The following ANKRD42 variants were observed in gnomAD, a reference collection of about 807,000 sequenced individuals.
The protein encoded by ANKRD42 is ankyrin repeat domain-containing protein 42.
In ANKRD42, 43 loss-of-function variants were observed where a neutral mutation model predicts 51.5. The ratio of observed to expected loss-of-function variants is 0.83; its 90% CI spans 0.65 to 1.08. The LOEUF is 1.08. Ranked by LOEUF, ANKRD42 falls within the 50% of genes least tolerant of loss-of-function variation. ANKRD42 has a pLI of 0.00. For synonymous variants in ANKRD42, 203 were observed against 213.0 expected, an observed-to-expected ratio of 0.95 and a Z score of 0.41; for missense variants, 608 against 629.3, an observed-to-expected ratio of 0.97 and a Z score of 0.36.
intron 5 of ANKRD42, among the ~76,000 whole-genome samples, chr11:83,223,207 G>A (rs190570744): frequency 9.5e-4 from 145 of 152,256 alleles, no homozygotes; most frequent in African/African-American, 3.1e-3. Context: ...CCAAGATTGC[G>A]CCACTGCACT....
chr11:83,226,517 A>G (rs899818435), intron 6 of ANKRD42, among the ~76,000 whole-genome samples: 5 of 152,350 alleles, frequency 3.3e-5, no homozygotes, highest in African/African-American at 1.2e-4. Context: ...TAGAATAGCC[A>G]AAGAATATTT....
downstream of ANKRD42, among the ~76,000 whole-genome samples, chr11:83,256,680 C>A (rs750050250): frequency 1.1e-4 from 16 of 152,200 alleles, no homozygotes; most frequent in Non-Finnish European, 2.2e-4. Flanking sequence ...CAGCAGCCAT[C>A]TCACCATTCC....
intron 1 of ANKRD42, among the ~76,000 whole-genome samples, chr11:83,197,913 A>G (rs1016281017): frequency 6.6e-6 from 1 of 152,200 alleles, no homozygotes; most frequent in Non-Finnish European, 1.5e-5. Flanking sequence ...GTTATGGAGA[A>G]CAACACATGG....
At chr11:83,242,566 A>ATTTTTTTTTTTTTTTTTTTTTTTT (rs1565196033) in intron 9 of ANKRD42, among the ~76,000 whole-genome samples, 1 of 64,890 alleles carries the variant, frequency 1.5e-5, no homozygotes, top group African/African-American at 7.9e-5. Flanking sequence ...ATGGTAGTTA[A>ATTTTTTTTTTTTTTTTTTTTTTTT]GTTTTTTTTT....
At chr11:83,242,134 G>A (rs1484592244) in intron 9 of ANKRD42, among the ~76,000 whole-genome samples, 1 of 152,000 alleles carries the variant, frequency 6.6e-6, no homozygotes, top group Non-Finnish European at 1.5e-5. Flanking sequence ...TTTAAGAAGA[G>A]CTTACATTAA....
At chr11:83,234,722 A>T (rs138879496) in intron 7 of ANKRD42, among the ~76,000 whole-genome samples, 2,280 of 152,294 alleles carry the variant, frequency 0.015, 24 homozygotes, top group Non-Finnish European at 0.022. Context: ...AAAGATCAAT[A>T]TGTTGCCATT....
chr11:83,212,586 A>G (rs1437952514), intron 5 of ANKRD42: 3 of 1,287,784 alleles, frequency 2.3e-6, no homozygotes, highest in Non-Finnish European at 3.3e-6. Flanking sequence ...ACCTTAAAGA[A>G]ACAAACACAC....
rs1401510201 is a variant in ANKRD42 at position 83,198,524 on chromosome 11, G to A, written c.104G>A (p.Arg35Gln). The change falls in exon 2 of 11, where the codon CGA becomes CAA. Residue 35 changes from arginine to glutamine, a missense_variant. By Grantham distance (43) the Arg-to-Gln change is conservative. Coordinates refer to ENST00000533342, the MANE Select transcript of ANKRD42 (RefSeq NM_001300975.2). Reference sequence around the variant, plus strand: ...TTTGGCAGCATACATGATGCAGTACGAGCTGGAGATGTAAAGCAGCTTTCA... The same window carrying A: ...TTTGGCAGCATACATGATGCAGTACAAGCTGGAGATGTAAAGCAGCTTTCA... ...VHFGSIHDAV[R>Q]AGDVKQLSEI... 2.5e-6 allele frequency: 4 copies of A among 1,613,824 alleles called. No individual in the cohort carries two copies. The highest frequency in any genetic ancestry group is 1.7e-5 in the Admixed American group (1 of 60,004).
At chr11:83,206,200 C>T in intron 3 of ANKRD42, 35 bp downstream of exon 3, 2 of 1,484,150 alleles carry the variant, frequency 1.3e-6, no homozygotes, top group Non-Finnish European at 9.4e-7. Flanking sequence ...AGTTCAATTA[C>T]TTTAACATAG....
At position 83,194,435 on chromosome 11, in the gene ANKRD42, G is replaced by A. The variant is rs772502062; in HGVS notation, c.-236G>A. On this transcript the variant is annotated 5_prime_UTR_variant, in exon 1 of 11. Transcript: ENST00000533342. ...GCAGCCAGCGACTCCTCTGGTGTGAGCGGCAGTGAAGACGCCAGCTACCGC... is the reference window on the plus strand; with the variant it reads ...GCAGCCAGCGACTCCTCTGGTGTGAACGGCAGTGAAGACGCCAGCTACCGC... 7.7e-5 allele frequency: 53 copies of A among 691,842 alleles called. No individual in the cohort carries two copies. The highest frequency in any genetic ancestry group is 4.4e-4 in the Admixed American group (22 of 49,600). The allele number at this position is 691,842 out of a possible 1,614,324, so 42.9% of individuals were successfully genotyped here. A position where few individuals can be genotyped will look rare whatever the true frequency, so the allele number is the denominator to read the frequency against.
chr11:83,253,739 G>T (rs1448865607), downstream of ANKRD42, among the ~76,000 whole-genome samples: 1 of 152,092 alleles, frequency 6.6e-6, no homozygotes, highest in East Asian at 1.9e-4. Flanking sequence ...AGTAATCTTG[G>T]TGAAAAATGT....
rs1226913420 is a variant in ANKRD42 at position 83,247,932 on chromosome 11, G to A, written c.1323-11G>A. The A allele has an allele frequency of 6.4e-7, 1 of 1,574,616 alleles. No individual in the cohort carries two copies. On this transcript the variant is annotated splice_polypyrimidine_tract_variant and intron_variant, in intron 10 of 10. Coordinates refer to ENST00000533342, the MANE Select transcript of ANKRD42 (RefSeq NM_001300975.2). ...TGATGATTGATTTTTAAAAAATTTT[G>A]TTTTTGATAGGACCATCAAAGAACT...
intron 5 of ANKRD42, chr11:83,212,974 C>T (rs780332289): frequency 3.5e-5 from 56 of 1,593,318 alleles, no homozygotes; most frequent in Middle Eastern, 1.7e-4. Flanking sequence ...GCGCTGCCTA[C>T]GGAGGTGGCA....
chr11:83,240,532 T>C (rs1023747510), intron 8 of ANKRD42, among the ~76,000 whole-genome samples: 11 of 152,226 alleles, frequency 7.2e-5, no homozygotes, highest in Non-Finnish European at 1.6e-4. Flanking sequence ...ATAAAAATTA[T>C]GGAATCAGTG....
chr11:83,211,856 C>T (rs546851943), intron 5 of ANKRD42, among the ~76,000 whole-genome samples: 3 of 151,932 alleles, frequency 2.0e-5, no homozygotes, highest in Non-Finnish European at 2.9e-5. Flanking sequence ...CCTCACAAAA[C>T]GAAGTAGTAT....
chr11:83,213,080 G>C (rs781118852), intron 5 of ANKRD42: 4 of 1,600,386 alleles, frequency 2.5e-6, no homozygotes, highest in African/African-American at 1.3e-5. Context: ...GCACCAGACT[G>C]ACTGATATGT....
chr11:83,203,038 C>CT (rs1393363411), intron 2 of ANKRD42, among the ~76,000 whole-genome samples: 1 of 141,428 alleles, frequency 7.1e-6, no homozygotes, highest in Non-Finnish European at 1.5e-5. Context: ...GTTTCCCAGG[C>CT]TGGAGTGCAG....
intron 5 of ANKRD42, among the ~76,000 whole-genome samples, chr11:83,217,462 T>C (rs1462321983): frequency 6.6e-6 from 1 of 152,174 alleles, no homozygotes; most frequent in Non-Finnish European, 1.5e-5. Context: ...TTACAGGCTG[T>C]CCTAAGATTC....
chr11:83,250,339 T>C (rs1426142802), downstream of ANKRD42, among the ~76,000 whole-genome samples: 2 of 152,208 alleles, frequency 1.3e-5, no homozygotes, highest in South Asian at 2.1e-4. Context: ...AATGGTTTTT[T>C]GATAACAGCT....
Sources: allele counts gnomAD v4.1 joint callset (sites outside exome capture counted in the v4.1 genomes callset), GRCh38; gene constraint gnomAD v4.1.1; transcripts MANE v1.5; gene names NCBI Gene and HGNC (gene_info 2026-07-23, HGNC 2026-07-21).